Variants in TRRAP observed in about 807,000 individuals in gnomAD.
TRRAP encodes transformation/transcription domain-associated protein.
In TRRAP, 41 loss-of-function variants were observed where a neutral mutation model predicts 438.8. The observed-to-expected ratio is 0.09, with a 90% CI of 0.07 to 0.12. TRRAP has a LOEUF of 0.12. Ranked by LOEUF, TRRAP falls within the 10% of genes least tolerant of loss-of-function variation. The probability of loss-of-function intolerance (pLI) is 1.00; values close to 1 mark genes in which losing one functional copy is unlikely to be tolerated. For synonymous variants in TRRAP, 1,994 were observed against 1,962.9 expected (o/e 1.02, Z -0.42); for missense variants, 3,122 against 5,055.1 (o/e 0.62, Z 11.60).
At chr7:98,897,627 T>A in intron 7 of TRRAP, 114 bp from the exon 8 acceptor site, 1 of 1,353,532 alleles carries the variant, frequency 7.4e-7, no homozygotes, top group Non-Finnish European at 9.9e-7. Flanking sequence ...TAGAACATAC[T>A]GTTTTTTTCC....
intron 66 of TRRAP, 142 bp downstream of exon 66, chr7:98,993,879 A>G (rs1469300801): frequency 1.3e-6 from 1 of 781,830 alleles, no homozygotes; most frequent in Non-Finnish European, 2.1e-6. Flanking sequence ...GGACCAGGCA[A>G]ATAGCTATCT....
rs750324066 is a variant in TRRAP, at chr7:98,965,870, A to G, written c.7151A>G (p.Asn2384Ser). The G allele has an allele frequency of 3.0e-5, 48 of 1,614,088 alleles. No individual in the cohort carries two copies. Among genetic ancestry groups the G allele is most frequent in the Non-Finnish European group, 4.1e-5 (48 of 1,180,048 alleles). ...VVKIVEEWVK[N>S]NSPMAANQTP... ...AAAATCGTGGAAGAATGGGTCAAGA[A>G]TAACTCCCCAATGGCAGCCAATCAG... Residue 2384 changes from asparagine to serine, a missense_variant, in exon 49 of 73, where the codon AAT (asparagine) becomes AGT (serine). By Grantham distance (46) the Asn-to-Ser change is conservative. Transcript: ENST00000456197.
chr7:99,011,954 G>T lies in TRRAP; in HGVS notation c.11338-117G>T. ...ACAGCCTGGCCTGGTGCTGAAACTCGACTGGCCCTTGGTGGCCCTGAGCGG... is the reference window on the plus strand; with the variant it reads ...ACAGCCTGGCCTGGTGCTGAAACTCTACTGGCCCTTGGTGGCCCTGAGCGG... On this transcript the variant is annotated intron_variant, in intron 72 of 72. Coordinates refer to ENST00000456197, the MANE Select transcript of TRRAP (RefSeq NM_001375524.1). The surrounding 1 kb of genome is among the most constrained non-coding windows in gnomAD (Gnocchi z 7.1). 2 of 1,345,716 alleles carry T rather than the reference G, an allele frequency of 1.5e-6. No homozygotes were observed. The highest frequency in any genetic ancestry group is 1.4e-5 in the South Asian group (1 of 70,080). 83.4% of individuals were successfully genotyped at this position (1,345,716 alleles called of 1,614,324 possible).
rs1042510855 is a variant in TRRAP at position 98,949,845 on chromosome 7, G to A, written c.5135+4G>A. 7 of 1,611,846 alleles carry A rather than the reference G, an allele frequency of 4.3e-6. No homozygotes were observed. The highest frequency in any genetic ancestry group is 5.1e-6 in the Non-Finnish European group (6 of 1,179,016). ...ACTGCCTGCTGAACTACTGCAAGTG[G>A]GTGCCTCCTCCCGCCCTGCCCCGCG... is the stretch of plus-strand genomic sequence containing the variant. On this transcript the variant is annotated splice_donor_region_variant and intron_variant, in intron 37 of 72. Transcript: ENST00000456197.
rs1276563501 is a variant in TRRAP, at chr7:98,878,589, C to CGCCGGGGTCGCGGGCCGGGCCTGCAGGA, written c.-103_-76dup. On this transcript the variant is annotated 5_prime_UTR_variant, in exon 1 of 73. Transcript: ENST00000456197. ...TTGCGACGAGGGCTCGGCTGGGGGT[C>CGCCGGGGTCGCGGGCCGGGCCTGCAGGA]GCCGGGGTCGCGGGCCGGGCCTGCA... 4 of 151,018 alleles carry CGCCGGGGTCGCGGGCCGGGCCTGCAGGA rather than the reference C, an allele frequency of 2.6e-5. No individual in the cohort carries two copies. The highest frequency in any genetic ancestry group is 4.4e-5 in the Non-Finnish European group (3 of 67,706). The allele number at this position is 151,018 out of a possible 1,614,324, so 9.4% of individuals were successfully genotyped here.
At position 98,976,101 on chromosome 7, in the gene TRRAP, G is replaced by A; in HGVS notation, c.7840-48G>A. 6.2e-7 allele frequency: 1 copy of A among 1,606,104 alleles called. No homozygotes were observed. The highest frequency in any genetic ancestry group is 8.5e-7 in the Non-Finnish European group (1 of 1,175,556). ...TGTCTTCTGAGCGTGGTTGTGCGAG[G>A]CACCCCCAGCCCGTGGCCATCTCAG... On this transcript the variant is annotated intron_variant, in intron 53 of 72. Transcript: ENST00000456197. The surrounding 1 kb of genome is among the most constrained non-coding windows in gnomAD (Gnocchi z 4.6).
At position 98,880,269 on chromosome 7, in the gene TRRAP, T is replaced by G. The variant is rs545102693; in HGVS notation, c.-61-821T>G. ...CGTTTTGTTGTTGTTGTTGTTTTTT[T>G]TTTTTTTTTTCCGAGACTGAACCTT... is the stretch of plus-strand genomic sequence containing the variant. On this transcript the variant is annotated intron_variant, in intron 1 of 72. Transcript: ENST00000456197. Among the ~76,000 whole-genome samples, 376 of 149,066 alleles carry G rather than the reference T, an allele frequency of 2.5e-3. 1 individual carries two copies. The highest frequency in any genetic ancestry group is 7.5e-3 in the African/African-American group (307 of 40,680).
Position 98,994,878 on chromosome 7 carries a change from G to T in TRRAP, c.10309+30G>T. On this transcript the variant is annotated intron_variant, in intron 67 of 72. Transcript: ENST00000456197. The surrounding 1 kb of genome is among the most constrained non-coding windows in gnomAD (Gnocchi z 4.8). ...GTCTCCATTTTCCTTCCCTTCCATAGGGAGAATTGTGCACGCTGATTTCCT... is the reference window on the plus strand; with the variant it reads ...GTCTCCATTTTCCTTCCCTTCCATATGGAGAATTGTGCACGCTGATTTCCT... 6.2e-7 allele frequency: 1 copy of T among 1,603,796 alleles called. No homozygotes were observed. Among genetic ancestry groups the T allele is most frequent in the Non-Finnish European group, 8.5e-7 (1 of 1,172,508 alleles).
chr7:98,893,196 C>G (rs182724983), intron 5 of TRRAP, among the ~76,000 whole-genome samples: 1 of 152,152 alleles, frequency 6.6e-6, no homozygotes. Context: ...GTGATCCACC[C>G]GCTTTGGCCT....
chr7:98,989,290 G>A (rs757453806), intron 63 of TRRAP, among the ~76,000 whole-genome samples: 6 of 152,188 alleles, frequency 3.9e-5, no homozygotes, highest in Admixed American at 3.3e-4. Context: ...CTAGACGCCC[G>A]TTAGGTTGTC....
At chr7:98,970,008 C>T (rs1160418189) in intron 51 of TRRAP, 104 bp from the exon 52 acceptor site, 9 of 1,390,084 alleles carry the variant, frequency 6.5e-6, no homozygotes, top group East Asian at 2.3e-5. Context: ...CTTGGACCTG[C>T]AGAGTCAGAG....
At chr7:98,914,742 AAAAAAGAC>A (rs1789443407) in intron 18 of TRRAP, among the ~76,000 whole-genome samples, 2 of 150,208 alleles carry the variant, frequency 1.3e-5, no homozygotes, top group African/African-American at 4.9e-5. Flanking sequence ...AAAAAAAAAA[AAAAAAGAC>A]AGAAAAAGAA....
chr7:98,967,825 G>C (rs1478878692), intron 51 of TRRAP, 127 bp downstream of exon 51: 80 of 819,658 alleles, frequency 9.8e-5, no homozygotes, highest in Non-Finnish European at 5.6e-6. Context: ...ACCTGCTTCT[G>C]ATCTCCAGGA....
rs570693767 is a variant in TRRAP, at chr7:98,933,955, G to A, written c.4014+553G>A. On this transcript the variant is annotated intron_variant, in intron 27 of 72. Transcript: ENST00000456197. The stretch of plus-strand genomic sequence containing the variant: ...GCTGGAGAGCTTGAATTTAAGCCAG[G>A]ACTGTTATTTAGAGCATGATTCCTA... 1.1e-4 allele frequency among the ~76,000 whole-genome samples: 17 copies of A among 152,326 alleles called. No homozygotes were observed. In the South Asian group the frequency reaches 2.1e-3, roughly 19 times the overall value.
chr7:98,981,653 C>T, intron 58 of TRRAP, 116 bp from the exon 59 acceptor site: 1 of 988,100 alleles, frequency 1.0e-6, no homozygotes, highest in South Asian at 1.7e-5. Context: ...AGCCTAATTT[C>T]TGTGTATTGC....
rs1223256459 is a variant in TRRAP, at chr7:98,984,826, A to G, written c.9289-118A>G. ...TTCATGGTAGGCAAATCTTTTGTCAATTTAAAGTACATTGGTCAATGACTC... is the reference window on the plus strand; with the variant it reads ...TTCATGGTAGGCAAATCTTTTGTCAGTTTAAAGTACATTGGTCAATGACTC... On this transcript the variant is annotated intron_variant, in intron 61 of 72. Coordinates refer to ENST00000456197, the MANE Select transcript of TRRAP (RefSeq NM_001375524.1). 33 of 580,978 alleles carry G rather than the reference A, an allele frequency of 5.7e-5. 1 individual carries two copies. The South Asian group carries it at 9.3e-4, about 16-fold the overall frequency. 36.0% of individuals were successfully genotyped at this position (580,978 alleles called of 1,614,324 possible).
At chr7:98,881,751 T>G (rs1298621033) in intron 2 of TRRAP, 11 of 477,676 alleles carry the variant, frequency 2.3e-5, no homozygotes, top group Non-Finnish European at 3.7e-5. Flanking sequence ...GTGTGTGTGT[T>G]TGTGTGTGTG....
At chr7:98,910,816 A>G (rs1789229042) in intron 16 of TRRAP, among the ~76,000 whole-genome samples, 1 of 152,156 alleles carries the variant, frequency 6.6e-6, no homozygotes, top group Admixed American at 6.5e-5. Context: ...AGGGGCAGAT[A>G]GTGTAAACGG....
intron 40 of TRRAP, among the ~76,000 whole-genome samples, chr7:98,954,568 T>C (rs980760936): frequency 1.3e-5 from 2 of 152,190 alleles, no homozygotes; most frequent in Admixed American, 6.5e-5. Context: ...CTCTGTGACC[T>C]TCTCTGCTCC....
Sources: gnomAD v4.1 joint callset for allele counts (sites outside exome capture counted in the v4.1 genomes callset) on GRCh38, gnomAD v4.1.1 for gene constraint, Gnocchi (gnomAD v3.1) non-coding constraint, MANE v1.5 for transcripts, NCBI Gene and HGNC (gene_info 2026-07-23, HGNC 2026-07-21) for gene names.